The following MIB1 variants were observed in gnomAD, a reference collection of about 807,000 sequenced individuals.
MIB1 encodes E3 ubiquitin-protein ligase MIB1.
MIB1 carries 278 observed loss-of-function variants against 124.5 expected under a neutral mutation model. The ratio of observed to expected loss-of-function variants is 2.23; its 90% CI spans 2.02 to 2.47. The LOEUF (loss-of-function observed/expected upper bound fraction) is 2.47. Ranked by LOEUF, MIB1 falls within the 30% of genes most tolerant of loss-of-function variation. The pLI is 0.00. For synonymous variants in MIB1, 446 were observed against 429.4 expected (o/e 1.04, Z -0.48); for missense variants, 957 against 1,254.4 (o/e 0.76, Z 3.58).
chr18:21,749,842 A>C (rs562127993), intron 1 of MIB1, among the ~76,000 whole-genome samples: 1 of 151,574 alleles, frequency 6.6e-6, no homozygotes, highest in Non-Finnish European at 1.5e-5. Flanking sequence ...GTGTTTCCCC[A>C]TGTTGGTCAG....
At chr18:21,823,475 T>C (rs8092100) in intron 12 of MIB1, among the ~76,000 whole-genome samples, 127,812 of 152,024 alleles carry the variant, frequency 0.84, 54,416 homozygotes, top group South Asian at 0.91. Flanking sequence ...CCTGATGAAG[T>C]GTCTAGATGT....
chr18:21,756,203 G>A (rs938356332), intron 1 of MIB1, among the ~76,000 whole-genome samples: 8 of 152,042 alleles, frequency 5.3e-5, no homozygotes, highest in Non-Finnish European at 8.8e-5. Context: ...ACTTTATCTC[G>A]TTGTTTGTTA....
chr18:21,870,694 G>A lies in MIB1; in HGVS notation c.*6028G>A, dbSNP rs2042348809. On this transcript the variant is annotated 3_prime_UTR_variant, in exon 21 of 21. Transcript: ENST00000261537. ...CATGTTAATATAAGCACTTATTTCTGAAGTTATTGAGAGGTCATCTAGCTC... is the reference window on the plus strand; with the variant it reads ...CATGTTAATATAAGCACTTATTTCTAAAGTTATTGAGAGGTCATCTAGCTC... 6.6e-6 allele frequency: 1 copy of A among 152,080 alleles called. No homozygotes were observed. Among genetic ancestry groups the A allele is most frequent in the Non-Finnish European group, 1.5e-5 (1 of 68,006 alleles). The allele number at this position is 152,080 out of a possible 1,614,324, so 9.4% of individuals were successfully genotyped here. A position where few individuals can be genotyped will look rare whatever the true frequency, so the allele number is the denominator to read the frequency against.
rs1255628689 is a variant in MIB1 at position 21,846,904 on chromosome 18, AT to A, written c.2212-38del. 3 of 1,589,618 alleles carry A rather than the reference AT, an allele frequency of 1.9e-6. No homozygotes were observed. In the East Asian group the frequency reaches 6.7e-5, roughly 36 times the overall value. On this transcript the variant is annotated intron_variant, in intron 15 of 20. Transcript: ENST00000261537. Reference sequence around the variant, plus strand: ...ATATGATGACAAGAATTGATGGCAGATTCCTAGAGGGAAAATCATGACTCTT... The same window carrying A: ...ATATGATGACAAGAATTGATGGCAGATCCTAGAGGGAAAATCATGACTCTT...
chr18:21,709,141 C>T (rs2040654227), intron 1 of MIB1, among the ~76,000 whole-genome samples: 1 of 151,936 alleles, frequency 6.6e-6, no homozygotes, highest in South Asian at 2.1e-4. Context: ...ACGGTGAAAC[C>T]CCGTCTCTGC....
intron 1 of MIB1, among the ~76,000 whole-genome samples, chr18:21,723,515 C>T (rs2040723963): frequency 6.6e-6 from 1 of 151,914 alleles, no homozygotes; most frequent in Admixed American, 6.6e-5. Context: ...ATATACATAT[C>T]TATAATTGTT....
rs1172896415 is a variant in MIB1, at chr18:21,740,931, T to G, written c.-653T>G. Among the ~76,000 whole-genome samples the G allele has an allele frequency of 5.3e-5, 8 of 152,226 alleles. No individual in the cohort carries two copies. The highest frequency in any genetic ancestry group is 1.2e-4 in the Non-Finnish European group (8 of 68,026). ...ACTCTGAGAAGGTGCCGCTCCGGCC[T>G]TGGGTACGGCGGTACCCGGATGTGG... On this transcript the variant is annotated 5_prime_UTR_variant, in exon 1 of 21. Coordinates refer to ENST00000261537, the MANE Select transcript of MIB1 (RefSeq NM_020774.4).
intron 8 of MIB1, 114 bp downstream of exon 8, chr18:21,798,342 A>G: frequency 1.9e-6 from 2 of 1,070,172 alleles, no homozygotes; most frequent in Non-Finnish European, 2.7e-6. Flanking sequence ...TTTGTCCCAG[A>G]TTACACAGCC....
intron 4 of MIB1, among the ~76,000 whole-genome samples, 157 bp downstream of exon 4, chr18:21,773,885 C>A (rs1300481487): frequency 6.6e-6 from 1 of 152,048 alleles, no homozygotes; most frequent in Non-Finnish European, 1.5e-5. Context: ...ATATGATTTG[C>A]CTTTAGTTTA....
chr18:21,803,937 A>G lies in MIB1; in HGVS notation c.1402A>G (p.Met468Val), dbSNP rs1300334042. The G allele has an allele frequency of 1.2e-6, 2 of 1,613,716 alleles. No individual in the cohort carries two copies. Among genetic ancestry groups the G allele is most frequent in the South Asian group, 2.2e-5 (2 of 91,072 alleles). The stretch of plus-strand genomic sequence containing the variant: ...TGGGCAATGTGCTGGCCACACAGCT[A>G]TGCAAGCTGCTAGTCAGAATGGACA... ...VNGQCAGHTA[M>V]QAASQNGHVD... The change falls in exon 10 of 21, where the codon ATG becomes GTG. Residue 468 changes from methionine (M) to valine (V), a missense_variant. By Grantham distance (21) the Met-to-Val change is conservative (BLOSUM62 1). Transcript: ENST00000261537.
At chr18:21,814,677 A>G (rs1385326015) in intron 10 of MIB1, among the ~76,000 whole-genome samples, 1 of 151,840 alleles carries the variant, frequency 6.6e-6, no homozygotes, top group Non-Finnish European at 1.5e-5. Context: ...GGATTCAAGC[A>G]GTTCTCCTCC....
chr18:21,789,280 T>C (rs1457614530), intron 6 of MIB1, among the ~76,000 whole-genome samples: 2 of 151,966 alleles, frequency 1.3e-5, no homozygotes, highest in African/African-American at 4.8e-5. Flanking sequence ...ATGACCTTTT[T>C]CCCTGTGAGT....
rs538003067 is a variant in MIB1, at chr18:21,868,256, T to C, written c.*3590T>C. 6.6e-6 allele frequency: 1 copy of C among 152,306 alleles called. No homozygotes were observed. The highest frequency in any genetic ancestry group is 6.5e-5 in the Admixed American group (1 of 15,288). The allele number at this position is 152,306 out of a possible 1,614,324, so 9.4% of individuals were successfully genotyped here. On this transcript the variant is annotated 3_prime_UTR_variant, in exon 21 of 21. Transcript: ENST00000261537. ...TTCATCTTGCAAAACTGAAACTCCATACCCATTAAACAACTCCCCTTTTTG... is the reference window on the plus strand; with the variant it reads ...TTCATCTTGCAAAACTGAAACTCCACACCCATTAAACAACTCCCCTTTTTG...
intron 15 of MIB1, among the ~76,000 whole-genome samples, chr18:21,846,593 G>A (rs903357331): frequency 6.6e-6 from 1 of 152,244 alleles, no homozygotes; most frequent in African/African-American, 2.4e-5. Context: ...AGAGAGTACT[G>A]TTTCTTTAGT....
intron 6 of MIB1, among the ~76,000 whole-genome samples, chr18:21,790,205 T>C (rs2146441202): frequency 6.6e-6 from 1 of 152,360 alleles, no homozygotes; most frequent in African/African-American, 2.4e-5. Context: ...TTTGGCTCTA[T>C]TGGAATTGTA....
intron 1 of MIB1, chr18:21,724,107 C>T (rs2040726985): frequency 6.6e-6 from 1 of 152,598 alleles, no homozygotes; most frequent in Non-Finnish European, 1.5e-5. Flanking sequence ...GTTAAAGTAA[C>T]ATTCTATCTG....
intron 17 of MIB1, among the ~76,000 whole-genome samples, chr18:21,852,141 C>G (rs1034583203): frequency 6.6e-6 from 1 of 152,248 alleles, no homozygotes; most frequent in East Asian, 1.9e-4. Context: ...TGTTGTAGCT[C>G]AACAATGTTA....
At chr18:21,715,250 C>T (rs2040684251) in intron 1 of MIB1, among the ~76,000 whole-genome samples, 1 of 152,136 alleles carries the variant, frequency 6.6e-6, no homozygotes, top group Admixed American at 6.5e-5. Flanking sequence ...TGGCTAGATC[C>T]AGAAGAGAGA....
At chr18:21,759,452 A>C (rs919695393) in intron 1 of MIB1, among the ~76,000 whole-genome samples, 4 of 152,048 alleles carry the variant, frequency 2.6e-5, no homozygotes, top group African/African-American at 9.7e-5. Context: ...CATGTTGGCC[A>C]GGCTGTTCTC....
Sources: gnomAD v4.1 joint callset for allele counts (sites outside exome capture counted in the v4.1 genomes callset) on GRCh38, gnomAD v4.1.1 for gene constraint, MANE v1.5 for transcripts, NCBI Gene and HGNC (gene_info 2026-07-23, HGNC 2026-07-21) for gene names.